The following PKM variants were observed in gnomAD, a reference collection of about 807,000 sequenced individuals.
PKM encodes the protein pyruvate kinase M1/2, also known as pyruvate kinase PKM.
PKM carries 18 observed loss-of-function variants against 49.8 expected under a neutral mutation model. That is an observed-to-expected ratio of 0.36 (90% CI 0.25 to 0.54). The LOEUF is 0.54. PKM is among the 20% of genes least tolerant of loss of function. The probability of loss-of-function intolerance (pLI) is 0.89; values close to 1 mark genes in which losing one functional copy is unlikely to be tolerated. For synonymous variants in PKM, 239 were observed against 261.8 expected (o/e 0.91, Z 0.84); for missense variants, 508 against 713.8 (o/e 0.71, Z 3.28).
Position 72,200,687 on chromosome 15 carries a change from C to A in PKM, c.1308-32G>T. 1.9e-6 allele frequency: 3 copies of A among 1,587,584 alleles called. No individual in the cohort carries two copies. Among genetic ancestry groups the A allele is most frequent in the Non-Finnish European group, 2.6e-6 (3 of 1,160,184 alleles). ...TGGGATGGGGGACATACAGAAGAGACCATTACACGAGGCCCCAGGAAGTAC... is the reference window on the plus strand; with the variant it reads ...TGGGATGGGGGACATACAGAAGAGAACATTACACGAGGCCCCAGGAAGTAC... On this transcript the variant is annotated intron_variant, in intron 9 of 10. Transcript: ENST00000335181. The surrounding 1 kb of genome is among the most constrained non-coding windows in gnomAD (Gnocchi z 4.6).
At chr15:72,209,390 GAAAC>G in intron 5 of PKM, 1 of 106,850 alleles carries the variant, frequency 9.4e-6, no homozygotes, top group African/African-American at 3.9e-5. Context: ...AAAACACAGC[GAAAC>G]AAATATATAT....
In PKM at chr15:72,209,822, G is replaced by A; in HGVS notation, c.416C>T (p.Thr139Ile). The part of the protein sequence containing the change: ...TAEVELKKGA[T>I]LKITLDNAYM... ...GGCGTTATCCAGCGTGATTTTGAGA[G>A]TGGCTCCCTTCTTCAGCTCCACCTC... The change falls in exon 5 of 11, where the codon ACT (threonine) becomes ATT (isoleucine). Residue 139 changes from threonine to isoleucine, a missense_variant. By Grantham distance (89) the Thr-to-Ile change is moderately conservative. Transcript: ENST00000335181. 1.2e-6 allele frequency: 2 copies of A among 1,614,092 alleles called. No homozygotes were observed.
intron 1 of PKM, 52 bp downstream of exon 1, chr15:72,231,064 G>C (rs575706733): frequency 5.3e-6 from 4 of 756,148 alleles, no homozygotes; most frequent in African/African-American, 3.6e-5. Context: ...CGCACTAGCC[G>C]GGCGACTGGC....
intron 1 of PKM, among the ~76,000 whole-genome samples, chr15:72,227,324 T>C (rs1044806303): frequency 1.3e-4 from 20 of 152,250 alleles, no homozygotes; most frequent in African/African-American, 1.9e-4. Flanking sequence ...TACCAGCTAA[T>C]TGAGATTTGA....
intron 1 of PKM, among the ~76,000 whole-genome samples, chr15:72,230,260 G>T (rs2082816210): frequency 6.6e-6 from 1 of 152,176 alleles, no homozygotes; most frequent in African/African-American, 2.4e-5. Flanking sequence ...CGGCAGCGGG[G>T]CAGGCCAACG....
Position 72,231,174 on chromosome 15 carries a change from G to A in PKM, c.-72C>T, listed in dbSNP as rs906807139. 7 of 285,824 alleles carry A rather than the reference G, an allele frequency of 2.4e-5. No homozygotes were observed. Among genetic ancestry groups the A allele is most frequent in the Non-Finnish European group, 4.4e-5 (6 of 135,762 alleles). 17.7% of individuals were successfully genotyped at this position (285,824 alleles called of 1,614,324 possible). ...AGACGAAGAGATCCGGAGCCACGGC[G>A]CGTGCAGCTGCTGTGCAAGGAGCCA... On this transcript the variant is annotated 5_prime_UTR_variant, in exon 1 of 11. Transcript: ENST00000335181.
chr15:72,211,298 A>C (rs113145422), intron 3 of PKM, among the ~76,000 whole-genome samples: 3,788 of 151,860 alleles, frequency 0.025, 152 homozygotes, highest in African/African-American at 0.088. Flanking sequence ...CGATCTCCTG[A>C]TCTCGTGATC....
chr15:72,209,444 T>TAC (rs2082184287), intron 5 of PKM: 1 of 21,464 alleles, frequency 4.7e-5, no homozygotes, highest in African/African-American at 1.6e-4. Flanking sequence ...TATATATGTA[T>TAC]ATATATATAT....
At chr15:72,222,034 T>C (rs1401267244) in intron 1 of PKM, among the ~76,000 whole-genome samples, 1 of 152,140 alleles carries the variant, frequency 6.6e-6, no homozygotes, top group Non-Finnish European at 1.5e-5. Flanking sequence ...TAAAAGCTTT[T>C]GACAATGTTC....
At chr15:72,228,744 G>C (rs1191945864) in intron 1 of PKM, 1 of 560,112 alleles carries the variant, frequency 1.8e-6, no homozygotes, top group Non-Finnish European at 2.9e-6. Flanking sequence ...CAAATTATTT[G>C]CTAACAACGC....
intron 1 of PKM, among the ~76,000 whole-genome samples, chr15:72,224,485 C>G (rs2082608315): frequency 6.6e-6 from 1 of 152,078 alleles, no homozygotes; most frequent in South Asian, 2.1e-4. Context: ...CCTACGGCAG[C>G]CTTTATAGGT....
chr15:72,213,720 C>T (rs754085955), intron 3 of PKM, among the ~76,000 whole-genome samples: 5 of 152,160 alleles, frequency 3.3e-5, no homozygotes, highest in Non-Finnish European at 4.4e-5. Flanking sequence ...TGTGAGCCAC[C>T]GCACGCCCAG....
At chr15:72,215,641 G>T (rs900322467) in intron 3 of PKM, among the ~76,000 whole-genome samples, 1 of 152,172 alleles carries the variant, frequency 6.6e-6, no homozygotes, top group African/African-American at 2.4e-5. Context: ...CATCCAGCAG[G>T]TGTGGCAGGT....
Position 72,202,444 on chromosome 15 carries a change from C to CG in PKM, c.1307+9dup, listed in dbSNP as rs2081967841. The CG allele has an allele frequency of 6.2e-7, 1 of 1,610,470 alleles. No homozygotes were observed. The highest frequency in any genetic ancestry group is 1.3e-5 in the African/African-American group (1 of 74,866). On this transcript the variant is annotated intron_variant, in intron 9 of 10. Coordinates refer to ENST00000335181, the MANE Select transcript of PKM (RefSeq NM_002654.6). The surrounding 1 kb of genome is among the most constrained non-coding windows in gnomAD (Gnocchi z 4.5). Reference sequence around the variant, plus strand: ...GCAGGGCATTCCAGGGAGCCGCTGCCGCCTCCTACCTGCCAGACTTGGTGA... The same window carrying CG: ...GCAGGGCATTCCAGGGAGCCGCTGCCGGCCTCCTACCTGCCAGACTTGGTGA...
chr15:72,221,349 C>A (rs1333858245), intron 1 of PKM: 5 of 935,078 alleles, frequency 5.3e-6, no homozygotes, highest in Non-Finnish European at 8.1e-6. Context: ...GAAAAATTAC[C>A]TTAATAACCA....
At chr15:72,215,096 G>A (rs1367830592) in intron 3 of PKM, among the ~76,000 whole-genome samples, 1 of 152,172 alleles carries the variant, frequency 6.6e-6, no homozygotes, top group Non-Finnish European at 1.5e-5. Flanking sequence ...AGCTACTCAG[G>A]AGGCTGAGGT....
chr15:72,210,343 T>G lies in PKM; in HGVS notation c.378+4A>C, dbSNP rs771373636. The G allele has an allele frequency of 1.7e-5, 28 of 1,613,886 alleles. No individual in the cohort carries two copies. Among genetic ancestry groups the G allele is most frequent in the Non-Finnish European group, 2.3e-5 (27 of 1,179,926 alleles). ...CTTCCCCTCGCTCTCCGCAGAATAC[T>G]CACGCCCTTGATGAGCCCAGTTCGG... On this transcript the variant is annotated splice_donor_region_variant and intron_variant, in intron 4 of 10. Coordinates refer to ENST00000335181, the MANE Select transcript of PKM (RefSeq NM_002654.6).
intron 8 of PKM, chr15:72,203,573 C>T: frequency 3.2e-6 from 1 of 317,430 alleles, no homozygotes; most frequent in Non-Finnish European, 6.1e-6. Context: ...AAGGAACAGG[C>T]CCTCCCTCCT....
intron 8 of PKM, among the ~76,000 whole-genome samples, chr15:72,205,718 G>A (rs912468041): frequency 6.6e-5 from 10 of 151,528 alleles, no homozygotes; most frequent in South Asian, 2.1e-4. Context: ...AAAGGGCAGC[G>A]GGTCTTTCAC....
Sources: gnomAD v4.1 joint callset for allele counts (sites outside exome capture counted in the v4.1 genomes callset) on GRCh38, gnomAD v4.1.1 for gene constraint, Gnocchi (gnomAD v3.1) non-coding constraint, MANE v1.5 for transcripts, NCBI Gene and HGNC (gene_info 2026-07-23, HGNC 2026-07-21) for gene names.